The following SPIRE1 variants were observed in gnomAD, a reference collection of about 807,000 sequenced individuals.
The protein encoded by SPIRE1 is protein spire homolog 1.
SPIRE1 carries 40 observed loss-of-function variants against 94.1 expected under a neutral mutation model. That is an observed-to-expected ratio of 0.43 (90% CI 0.33 to 0.55). The LOEUF is 0.55. SPIRE1 is among the 20% of genes least tolerant of loss of function. The pLI, the probability that SPIRE1 is intolerant of heterozygous loss-of-function variation, is 0.06. For synonymous variants in SPIRE1, 376 were observed against 371.7 expected, an observed-to-expected ratio of 1.01 and a Z score of -0.13; for missense variants, 838 against 975.2, an observed-to-expected ratio of 0.86 and a Z score of 1.87.
At chr18:12,529,926 G>A (rs147757307) in intron 4 of SPIRE1, among the ~76,000 whole-genome samples, 665 of 152,230 alleles carry the variant, frequency 4.4e-3, no homozygotes, top group Middle Eastern at 6.8e-3. Flanking sequence ...ACTGTATTAC[G>A]AATTTATTCT....
intron 2 of SPIRE1, among the ~76,000 whole-genome samples, chr18:12,634,444 G>C (rs1018429367): frequency 6.7e-6 from 1 of 149,044 alleles, no homozygotes; most frequent in Non-Finnish European, 1.5e-5. Context: ...ACTGAATTAT[G>C]AAAAAAAAAC....
At chr18:12,552,158 T>TA (rs1197056539) in intron 2 of SPIRE1, among the ~76,000 whole-genome samples, 2 of 152,052 alleles carry the variant, frequency 1.3e-5, no homozygotes, top group East Asian at 1.9e-4. Context: ...TGGCAAGCCT[T>TA]ACCACTGCGT....
At chr18:12,547,573 T>C (rs1396550033) in intron 2 of SPIRE1, among the ~76,000 whole-genome samples, 2 of 152,224 alleles carry the variant, frequency 1.3e-5, no homozygotes, top group Non-Finnish European at 2.9e-5. Context: ...CTTTCTGCTA[T>C]ATATTTAAAA....
chr18:12,630,650 CTG>C (rs772184285), intron 2 of SPIRE1, among the ~76,000 whole-genome samples: 1 of 152,172 alleles, frequency 6.6e-6, no homozygotes, highest in Non-Finnish European at 1.5e-5. Context: ...GAGCAAGACT[CTG>C]TCTCAAAAAA....
At chr18:12,459,762 G>A (rs1017725755) in intron 12 of SPIRE1, 18 of 985,794 alleles carry the variant, frequency 1.8e-5, no homozygotes, top group African/African-American at 5.2e-5. Flanking sequence ...AACCTTTGAG[G>A]ATTTCCACCT....
At chr18:12,523,688 T>G (rs1359724653) in intron 4 of SPIRE1, among the ~76,000 whole-genome samples, 1 of 152,146 alleles carries the variant, frequency 6.6e-6, no homozygotes, top group Non-Finnish European at 1.5e-5. Flanking sequence ...ATTTTTATTC[T>G]TATTTTTTTT....
chr18:12,632,074 C>T (rs775057690), intron 2 of SPIRE1, among the ~76,000 whole-genome samples: 1 of 151,792 alleles, frequency 6.6e-6, no homozygotes, highest in Non-Finnish European at 1.5e-5. Context: ...ATCTCATCTG[C>T]TTCTGCAGTC....
chr18:12,508,867 G>T (rs1039080242), intron 5 of SPIRE1, among the ~76,000 whole-genome samples: 14 of 152,210 alleles, frequency 9.2e-5, no homozygotes, highest in Non-Finnish European at 1.6e-4. Flanking sequence ...GTAGACACAG[G>T]TTTCGTCATG....
intron 8 of SPIRE1, 34 bp from the exon 9 acceptor site, chr18:12,486,034 T>G (rs1462720484): frequency 6.7e-7 from 1 of 1,491,680 alleles, no homozygotes; most frequent in Admixed American, 2.3e-5. Flanking sequence ...AAAAAGAAAA[T>G]AATTCAGCTG....
chr18:12,511,967 G>A (rs1222842631), intron 5 of SPIRE1, among the ~76,000 whole-genome samples: 10 of 152,102 alleles, frequency 6.6e-5, no homozygotes, highest in Non-Finnish European at 4.4e-5. Flanking sequence ...TGTCCAGGCT[G>A]GTCTTGAATT....
intron 2 of SPIRE1, among the ~76,000 whole-genome samples, chr18:12,550,133 C>T (rs2035307303): frequency 6.6e-6 from 1 of 152,100 alleles, no homozygotes; most frequent in Non-Finnish European, 1.5e-5. Flanking sequence ...GTCTTCTATT[C>T]CTGTTTAAAG....
intron 5 of SPIRE1, among the ~76,000 whole-genome samples, chr18:12,510,588 G>T (rs898299951): frequency 6.6e-6 from 1 of 151,590 alleles, no homozygotes; most frequent in African/African-American, 2.4e-5. Flanking sequence ...TGTCGCCCAG[G>T]CTGGAGTGCA....
chr18:12,462,823 C>T (rs2031919876), intron 12 of SPIRE1, among the ~76,000 whole-genome samples: 1 of 151,730 alleles, frequency 6.6e-6, no homozygotes, highest in Non-Finnish European at 1.5e-5. Flanking sequence ...ATAATCCATA[C>T]TTTCAACCAC....
At chr18:12,558,758 C>T (rs949561304) in intron 2 of SPIRE1, among the ~76,000 whole-genome samples, 7 of 152,024 alleles carry the variant, frequency 4.6e-5, no homozygotes, top group East Asian at 1.9e-4. Context: ...TCCACAAACC[C>T]GGAGCTAGAC....
chr18:12,480,176 A>G (rs1027195809), intron 9 of SPIRE1, among the ~76,000 whole-genome samples: 6 of 152,338 alleles, frequency 3.9e-5, no homozygotes, highest in African/African-American at 1.4e-4. Flanking sequence ...GAGAGAAGCT[A>G]GTTTACTTCA....
At position 12,567,710 on chromosome 18, in the gene SPIRE1, A is replaced by AG. The variant is rs1263034942; in HGVS notation, c.373-20807_373-20806insC. Among the ~76,000 whole-genome samples, 224 of 152,288 alleles carry AG rather than the reference A, an allele frequency of 1.5e-3. 2 individuals carry two copies. Among genetic ancestry groups the AG allele is most frequent in the African/African-American group, 5.1e-3 (212 of 41,572 alleles). On this transcript the variant is annotated intron_variant, in intron 2 of 16. Coordinates refer to ENST00000409402, the MANE Select transcript of SPIRE1 (RefSeq NM_001128626.2). Reference sequence around the variant, plus strand: ...TGGTAGCATACCAGGATCCTTCCTTAAGGGAATTCAGCCTCCCTACATTCA... The same window carrying AG: ...TGGTAGCATACCAGGATCCTTCCTTAGAGGGAATTCAGCCTCCCTACATTCA...
chr18:12,553,805 T>C (rs1356567665), intron 2 of SPIRE1, among the ~76,000 whole-genome samples: 7 of 151,822 alleles, frequency 4.6e-5, no homozygotes, highest in Non-Finnish European at 1.0e-4. Context: ...TCTAGAAAAC[T>C]AGAAAACTCC....
At chr18:12,572,849 T>C (rs1007058074) in intron 2 of SPIRE1, among the ~76,000 whole-genome samples, 2 of 152,138 alleles carry the variant, frequency 1.3e-5, no homozygotes, top group African/African-American at 4.8e-5. Context: ...AATATGAATC[T>C]AGACATGGAC....
chr18:12,653,764 T>C (rs1372777065), intron 1 of SPIRE1, among the ~76,000 whole-genome samples: 1 of 151,644 alleles, frequency 6.6e-6, no homozygotes, highest in African/African-American at 2.4e-5. Flanking sequence ...CTGGGCAACA[T>C]GGGGAAACCC....
Sources: allele counts gnomAD v4.1 joint callset (sites outside exome capture counted in the v4.1 genomes callset), GRCh38; gene constraint gnomAD v4.1.1; transcripts MANE v1.5; gene names NCBI Gene and HGNC (gene_info 2026-07-23, HGNC 2026-07-21).